TENM2: variants seen among roughly 807,000 people sequenced by gnomAD.
TENM2 encodes teneurin transmembrane protein 2.
In TENM2, 52 loss-of-function variants were observed where a neutral mutation model predicts 245.2. The ratio of observed to expected loss-of-function variants is 0.21; its 90% CI spans 0.17 to 0.27. The LOEUF (loss-of-function observed/expected upper bound fraction) is 0.27, where lower values mean the gene tolerates loss of function less well. TENM2 is among the 10% of genes least tolerant of loss of function. The pLI is 1.00. For missense variants in TENM2, 3,046 were observed against 3,666.8 expected, an observed-to-expected ratio of 0.83 and a Z score of 4.37; for synonymous variants, 1,363 against 1,438.9, an observed-to-expected ratio of 0.95 and a Z score of 1.19.
exon 24 of TENM2, chr5:168,226,237 T>C (rs762953751): frequency 3.7e-6 from 6 of 1,613,488 alleles, no homozygotes; most frequent in Non-Finnish European, 4.2e-6. Context: ...CTCTCTTCAG[T>C]AGAGGCCTCC....
At chr5:167,258,229 G>GTATATATATATATATATATATATGTA in the TENM2 span, among the ~76,000 whole-genome samples, 1 of 145,360 alleles carries the variant, frequency 6.9e-6, no homozygotes, top group African/African-American at 2.5e-5. Context: ...ATATATATGT[G>GTATATATATATATATATATATATGTA]TATATATATA....
intron 1 of TENM2, among the ~76,000 whole-genome samples, chr5:167,370,385 T>C (rs866271625): frequency 5.7e-4 from 80 of 140,082 alleles, no homozygotes; most frequent in Admixed American, 9.4e-4. Flanking sequence ...GTGGAGAGGA[T>C]CTGGATTATA....
At chr5:167,069,560 G>C in the TENM2 span, among the ~76,000 whole-genome samples, 7 of 152,122 alleles carry the variant, frequency 4.6e-5, no homozygotes, top group Non-Finnish European at 8.8e-5. Flanking sequence ...CAATAATCTA[G>C]AAAGTACATT....
intron 6 of TENM2, among the ~76,000 whole-genome samples, chr5:168,050,048 C>A (rs1433203386): frequency 6.6e-6 from 1 of 152,162 alleles, no homozygotes; most frequent in African/African-American, 2.4e-5. Context: ...GGCAATCCTC[C>A]CATCTCGGCC....
chr5:166,988,608 T>C, the TENM2 span, among the ~76,000 whole-genome samples: 4 of 152,242 alleles, frequency 2.6e-5, no homozygotes, highest in Non-Finnish European at 5.9e-5. Flanking sequence ...TAAAGACTAA[T>C]TCTGGCTAAC....
the TENM2 span, among the ~76,000 whole-genome samples, chr5:167,072,754 A>G: frequency 6.6e-6 from 1 of 152,214 alleles, no homozygotes; most frequent in African/African-American, 2.4e-5. Context: ...CAATGGTATT[A>G]GCCAGTAAAT....
chr5:167,303,287 GAA>G (rs1200056348), intron 1 of TENM2: 2 of 155,128 alleles, frequency 1.3e-5, no homozygotes, highest in Admixed American at 1.3e-4. Context: ...GCGTCTGTGT[GAA>G]GAGACCACCA....
the TENM2 span, among the ~76,000 whole-genome samples, chr5:167,163,255 C>T: frequency 6.6e-6 from 1 of 152,114 alleles, no homozygotes; most frequent in Non-Finnish European, 1.5e-5. Flanking sequence ...GCACATGCCA[C>T]CACGCCTGGC....
intron 1 of TENM2, among the ~76,000 whole-genome samples, chr5:167,343,262 G>A (rs1223392734): frequency 6.6e-6 from 1 of 152,004 alleles, no homozygotes; most frequent in Admixed American, 6.6e-5. Flanking sequence ...CCTATCCCTA[G>A]AATCAGCCAT....
chr5:167,063,666 G>A, the TENM2 span, among the ~76,000 whole-genome samples: 1 of 152,108 alleles, frequency 6.6e-6, no homozygotes, highest in Non-Finnish European at 1.5e-5. Context: ...CTGTGCTTAA[G>A]CATATGACAG....
At chr5:167,016,731 A>T in the TENM2 span, among the ~76,000 whole-genome samples, 69 of 152,264 alleles carry the variant, frequency 4.5e-4, no homozygotes, top group African/African-American at 1.3e-3. Flanking sequence ...TTTTTTTGTC[A>T]TTCTATTAAA....
chr5:167,799,519 A>G (rs779912424), intron 2 of TENM2, among the ~76,000 whole-genome samples: 2 of 152,232 alleles, frequency 1.3e-5, no homozygotes, highest in Admixed American at 1.3e-4. Flanking sequence ...TTAAAGAAAA[A>G]CTATTACATA....
chr5:167,200,744 C>T, the TENM2 span, among the ~76,000 whole-genome samples: 1 of 152,128 alleles, frequency 6.6e-6, no homozygotes, highest in African/African-American at 2.4e-5. Flanking sequence ...AGTAGCCCAA[C>T]TTTCACAGAT....
At chr5:167,196,484 GTGTATATATATA>G in the TENM2 span, among the ~76,000 whole-genome samples, 3 of 148,906 alleles carry the variant, frequency 2.0e-5, no homozygotes, top group Admixed American at 1.3e-4. Context: ...ATATATATGT[GTGTATATATATA>G]TGTGTATATA....
chr5:167,802,047 A>G (rs191754375), intron 2 of TENM2, among the ~76,000 whole-genome samples: 79 of 152,268 alleles, frequency 5.2e-4, no homozygotes, highest in Non-Finnish European at 7.9e-4. Flanking sequence ...AGATGGCACC[A>G]TATCAGGTGT....
chr5:168,051,868 C>T (rs1201358904), intron 6 of TENM2, among the ~76,000 whole-genome samples: 1 of 152,194 alleles, frequency 6.6e-6, no homozygotes, highest in Non-Finnish European at 1.5e-5. Flanking sequence ...ATCCACGAGT[C>T]TTAGTTGTTG....
At chr5:167,109,243 T>A in the TENM2 span, among the ~76,000 whole-genome samples, 1 of 151,696 alleles carries the variant, frequency 6.6e-6, no homozygotes, top group East Asian at 1.9e-4. Flanking sequence ...TTTTTTTTTT[T>A]AAGTAAAGAG....
At chr5:166,990,367 C>T in the TENM2 span, among the ~76,000 whole-genome samples, 6 of 152,122 alleles carry the variant, frequency 3.9e-5, no homozygotes, top group African/African-American at 7.2e-5. Context: ...GAAACAAAAT[C>T]ACTTTCAGTC....
At chr5:168,214,484 C>G (rs1475600445) in intron 20 of TENM2, among the ~76,000 whole-genome samples, 2 of 152,218 alleles carry the variant, frequency 1.3e-5, no homozygotes, top group African/African-American at 4.8e-5. Context: ...TTATCCATGT[C>G]CACACTGAAG....
Sources: allele counts gnomAD v4.1 joint callset (sites outside exome capture counted in the v4.1 genomes callset), GRCh38; gene constraint gnomAD v4.1.1; transcripts MANE v1.5; gene names NCBI Gene and HGNC (gene_info 2026-07-23, HGNC 2026-07-21).